AGAP1: variants seen among roughly 807,000 people sequenced by gnomAD.
The protein encoded by AGAP1 is ArfGAP with GTPase domain, ankyrin repeat and PH domain 1.
AGAP1 carries 29 observed loss-of-function variants against 105.3 expected under a neutral mutation model. That is an observed-to-expected ratio of 0.28 (90% confidence interval 0.21 to 0.38). AGAP1 has a LOEUF of 0.38. Ranked by LOEUF, AGAP1 falls within the 10% of genes least tolerant of loss-of-function variation. AGAP1 has a pLI of 1.00. For synonymous variants in AGAP1, 509 were observed against 485.9 expected (o/e 1.05, Z -0.63); for missense variants, 998 against 1,165.1 (o/e 0.86, Z 2.09).
intron 12 of AGAP1, among the ~76,000 whole-genome samples, chr2:235,935,152 C>T (rs962205946): frequency 6.6e-6 from 1 of 152,124 alleles, no homozygotes; most frequent in African/African-American, 2.4e-5. Context: ...ATTTAAGTAC[C>T]TGAGGTTTAA....
Position 236,104,457 on chromosome 2 carries a change from C to T in AGAP1, c.2115-15735C>T, listed in dbSNP as rs1311207774. Reference sequence around the variant, plus strand: ...TCCTGCCCCTCGACCAGCACCTGTGCTGTCTGCCCCTCACAAAATCCTTGT... The same window carrying T: ...TCCTGCCCCTCGACCAGCACCTGTGTTGTCTGCCCCTCACAAAATCCTTGT... On this transcript the variant is annotated intron_variant, in intron 16 of 17. Coordinates refer to ENST00000304032, the MANE Select transcript of AGAP1 (RefSeq NM_001037131.3). This position sits in a 1 kb window ranked among gnomAD's most constrained non-coding sequence, Gnocchi z 4.7. Among the ~76,000 whole-genome samples, 2 of 152,258 alleles carry T rather than the reference C, an allele frequency of 1.3e-5. No individual in the cohort carries two copies. Among genetic ancestry groups the T allele is most frequent in the African/African-American group, 2.4e-5 (1 of 41,478 alleles).
intron 1 of AGAP1, among the ~76,000 whole-genome samples, chr2:235,526,935 G>A (rs545732784): frequency 6.6e-6 from 1 of 152,286 alleles, no homozygotes. Context: ...TGGTGGTTTT[G>A]TTTTGGAAAG....
rs139040615 is a variant in AGAP1 at position 235,781,925 on chromosome 2, G to T, written c.674-15834G>T. ...TAGAATCAAGGAAGCTTGAAGCTAC[G>T]TCTTCATGCATCATGGGAGCTGTGA... On this transcript the variant is annotated intron_variant, in intron 6 of 17. Transcript: ENST00000304032. Among the ~76,000 whole-genome samples, 885 of 152,260 alleles carry T rather than the reference G, an allele frequency of 5.8e-3. 5 individuals carry two copies. The highest frequency in any genetic ancestry group is 0.02 in the African/African-American group (818 of 41,528).
chr2:235,757,790 C>A (rs1320692967), intron 6 of AGAP1, among the ~76,000 whole-genome samples: 1 of 152,172 alleles, frequency 6.6e-6, no homozygotes, highest in Non-Finnish European at 1.5e-5. Context: ...AGAACCCCAT[C>A]TCACATTAAA....
chr2:235,670,129 C>T (rs1298582201), intron 1 of AGAP1: 5 of 575,400 alleles, frequency 8.7e-6, no homozygotes, highest in Non-Finnish European at 1.6e-5. Flanking sequence ...GTGGCGAGCC[C>T]GCGTCGCCAC....
intron 9 of AGAP1, among the ~76,000 whole-genome samples, chr2:235,835,373 C>G (rs576293402): frequency 1.3e-5 from 2 of 152,358 alleles, no homozygotes; most frequent in South Asian, 4.1e-4. Context: ...CACAGTGTAT[C>G]TTGTGCTGCC....
chr2:235,750,952 AT>A lies in AGAP1; in HGVS notation c.673+465del, dbSNP rs1189720122. 6.6e-6 allele frequency among the ~76,000 whole-genome samples: 1 copy of A among 152,220 alleles called. No individual in the cohort carries two copies. Among genetic ancestry groups the A allele is most frequent in the Non-Finnish European group, 1.5e-5 (1 of 68,040 alleles). ...GTTTGGACCTCCCCCCACCAAAAAA[AT>A]AATAAAATGACACGATACCACTCAC... On this transcript the variant is annotated intron_variant, in intron 6 of 17. Coordinates refer to ENST00000304032, the MANE Select transcript of AGAP1 (RefSeq NM_001037131.3). This position sits in a 1 kb window ranked among gnomAD's most constrained non-coding sequence, Gnocchi z 5.3.
At chr2:235,537,804 T>C (rs143160681) in intron 1 of AGAP1, among the ~76,000 whole-genome samples, 1 of 152,288 alleles carries the variant, frequency 6.6e-6, no homozygotes, top group African/African-American at 2.4e-5. Flanking sequence ...TGGCAGTCAC[T>C]TGTGTGTTTT....
At chr2:235,534,245 G>A (rs866358916) in intron 1 of AGAP1, among the ~76,000 whole-genome samples, 1 of 152,188 alleles carries the variant, frequency 6.6e-6, no homozygotes, top group South Asian at 2.1e-4. Flanking sequence ...GATAGCGTGC[G>A]CATGGTGGGG....
At chr2:235,939,584 T>TCGCTATCCC (rs113141143) in intron 12 of AGAP1, among the ~76,000 whole-genome samples, 1 of 151,326 alleles carries the variant, frequency 6.6e-6, no homozygotes, top group African/African-American at 2.4e-5. Context: ...TCGTCTGTCC[T>TCGCTATCCC]CAGCTACCAC....
intron 1 of AGAP1, among the ~76,000 whole-genome samples, chr2:235,530,113 C>T (rs556166590): frequency 6.6e-6 from 1 of 152,280 alleles, no homozygotes; most frequent in African/African-American, 2.4e-5. Flanking sequence ...GTACCTCTGA[C>T]AGTAAAACTC....
intron 13 of AGAP1, among the ~76,000 whole-genome samples, chr2:236,017,064 G>A (rs2056728933): frequency 6.6e-6 from 1 of 151,938 alleles, no homozygotes; most frequent in Non-Finnish European, 1.5e-5. Context: ...TGAGACGGGT[G>A]GGTCACCTGA....
rs139583766 is a variant in AGAP1, at chr2:235,671,684, G to A, written c.164-37495G>A. On this transcript the variant is annotated intron_variant, in intron 1 of 17. Transcript: ENST00000304032. ...CAGGTGGCATCTTAATGAGGAGAGC[G>A]AGTCTGGGACTGGATTCTGTTTCCT... Among the ~76,000 whole-genome samples the A allele has an allele frequency of 3.6e-3, 551 of 152,300 alleles. 1 individual carries two copies. Among genetic ancestry groups the A allele is most frequent in the Admixed American group, 8.5e-3 (130 of 15,292 alleles).
Position 236,058,465 on chromosome 2 carries a change from G to T in AGAP1, c.2114+9184G>T, listed in dbSNP as rs2058104142. On this transcript the variant is annotated intron_variant, in intron 16 of 17. Coordinates refer to ENST00000304032, the MANE Select transcript of AGAP1 (RefSeq NM_001037131.3). This position sits in a 1 kb window ranked among gnomAD's most constrained non-coding sequence, Gnocchi z 4.6. The stretch of plus-strand genomic sequence containing the variant: ...TGATATACCACATTAATACAGTAAA[G>T]AGAGAAGAAAACATAATCTTTTCAA... 6.6e-6 allele frequency among the ~76,000 whole-genome samples: 1 copy of T among 152,184 alleles called. No individual in the cohort carries two copies. The highest frequency in any genetic ancestry group is 2.4e-5 in the African/African-American group (1 of 41,446).
rs991143617 is a variant in AGAP1 at position 235,712,526 on chromosome 2, T to G, written c.222+3289T>G. 6.6e-6 allele frequency among the ~76,000 whole-genome samples: 1 copy of G among 152,252 alleles called. No individual in the cohort carries two copies. The highest frequency in any genetic ancestry group is 1.5e-5 in the Non-Finnish European group (1 of 68,044). ...CTCCTCACATCCTATTTGTGTGTTT[T>G]CATTGAACTCCAACTGGAATTTTTA... On this transcript the variant is annotated intron_variant, in intron 2 of 17. Transcript: ENST00000304032. The surrounding 1 kb of genome is among the most constrained non-coding windows in gnomAD (Gnocchi z 6.0).
chr2:235,509,528 C>T (rs573252296), intron 1 of AGAP1, among the ~76,000 whole-genome samples: 5 of 152,236 alleles, frequency 3.3e-5, no homozygotes, highest in African/African-American at 7.2e-5. Flanking sequence ...CCACCACGCC[C>T]GGCCAGAGGT....
Position 236,012,891 on chromosome 2 carries a change from C to T in AGAP1, c.1646-23670C>T, listed in dbSNP as rs2056565365. Among the ~76,000 whole-genome samples the T allele has an allele frequency of 3.9e-5, 6 of 152,046 alleles. No individual in the cohort carries two copies. The South Asian group carries it at 8.3e-4, about 21-fold the overall frequency. On this transcript the variant is annotated intron_variant, in intron 13 of 17. Transcript: ENST00000304032. This position sits in a 1 kb window ranked among gnomAD's most constrained non-coding sequence, Gnocchi z 4.9. ...CCTCCAGAGTAGCTGGGATTATAGGCGTGCCCCACCATGCACAGCTAATTT... is the reference window on the plus strand; with the variant it reads ...CCTCCAGAGTAGCTGGGATTATAGGTGTGCCCCACCATGCACAGCTAATTT...
chr2:235,685,543 A>T (rs1949333333), intron 1 of AGAP1, among the ~76,000 whole-genome samples: 2 of 151,714 alleles, frequency 1.3e-5, no homozygotes, highest in South Asian at 4.2e-4. Context: ...AACAAATGCT[A>T]TGAAGACCAG....
chr2:235,561,007 A>G (rs1182534090), intron 1 of AGAP1, among the ~76,000 whole-genome samples: 1 of 152,206 alleles, frequency 6.6e-6, no homozygotes, highest in African/African-American at 2.4e-5. Flanking sequence ...CAGCACAGAC[A>G]GTAGAGGTGG....
Sources: gnomAD v4.1 joint callset for allele counts (sites outside exome capture counted in the v4.1 genomes callset) on GRCh38, gnomAD v4.1.1 for gene constraint, Gnocchi (gnomAD v3.1) non-coding constraint, MANE v1.5 for transcripts, NCBI Gene and HGNC (gene_info 2026-07-23, HGNC 2026-07-21) for gene names.